The following KCNH8 variants were observed in gnomAD, a reference collection of about 807,000 sequenced individuals.
The protein encoded by KCNH8 is voltage-gated delayed rectifier potassium channel KCNH8.
In KCNH8, 70 loss-of-function variants were observed where a neutral mutation model predicts 103.6. The ratio of observed to expected loss-of-function variants is 0.68; its 90% confidence interval spans 0.56 to 0.82. The LOEUF (loss-of-function observed/expected upper bound fraction) is 0.82, where lower values mean the gene tolerates loss of function less well. KCNH8 is among the 40% of genes least tolerant of loss of function. The pLI is 0.00. For missense variants in KCNH8, 1,217 were observed against 1,329.9 expected, an observed-to-expected ratio of 0.92 and a Z score of 1.32; for synonymous variants, 498 against 489.4, an observed-to-expected ratio of 1.02 and a Z score of -0.23.
chr3:19,194,642 G>A (rs534543555), intron 1 of KCNH8, among the ~76,000 whole-genome samples: 1 of 151,790 alleles, frequency 6.6e-6, no homozygotes, highest in Non-Finnish European at 1.5e-5. Flanking sequence ...GGAAAGATAA[G>A]GAGGGGGTAG....
chr3:19,374,733 TG>T (rs1175272653), intron 5 of KCNH8, among the ~76,000 whole-genome samples: 1 of 152,218 alleles, frequency 6.6e-6, no homozygotes, highest in African/African-American at 2.4e-5. Flanking sequence ...GATTTTGCAG[TG>T]GCTGGTACTA....
intron 11 of KCNH8, among the ~76,000 whole-genome samples, chr3:19,508,113 A>G (rs1369307577): frequency 6.6e-6 from 1 of 152,146 alleles, no homozygotes; most frequent in Non-Finnish European, 1.5e-5. Flanking sequence ...ATGCTGTATG[A>G]ACTTTTTGAT....
At chr3:19,517,528 A>C (rs1263700781) in intron 14 of KCNH8, among the ~76,000 whole-genome samples, 1 of 152,082 alleles carries the variant, frequency 6.6e-6, no homozygotes, top group Non-Finnish European at 1.5e-5. Flanking sequence ...ATGCAGGAAG[A>C]GAAAGGCAAC....
chr3:19,498,452 C>T (rs965201244), intron 11 of KCNH8, among the ~76,000 whole-genome samples: 2 of 152,068 alleles, frequency 1.3e-5, no homozygotes, highest in African/African-American at 4.8e-5. Context: ...GTAATGAATT[C>T]CCTCAGCGCT....
intron 11 of KCNH8, among the ~76,000 whole-genome samples, chr3:19,472,693 T>C (rs542814624): frequency 6.6e-6 from 1 of 152,288 alleles, no homozygotes; most frequent in South Asian, 2.1e-4. Flanking sequence ...GGATAACAAG[T>C]GGCATAAAAA....
intron 5 of KCNH8, among the ~76,000 whole-genome samples, chr3:19,375,167 G>T (rs971389972): frequency 6.6e-6 from 1 of 151,866 alleles, no homozygotes; most frequent in African/African-American, 2.4e-5. Flanking sequence ...TGCTAGATTG[G>T]GGAAGTTCTC....
chr3:19,500,714 G>GT (rs1451371994), intron 11 of KCNH8, among the ~76,000 whole-genome samples: 4 of 151,946 alleles, frequency 2.6e-5, no homozygotes, highest in African/African-American at 9.7e-5. Context: ...CACAAATAAA[G>GT]ATGTTCTTTG....
At chr3:19,192,950 T>G (rs530261639) in intron 1 of KCNH8, among the ~76,000 whole-genome samples, 1 of 151,704 alleles carries the variant, frequency 6.6e-6, no homozygotes, top group African/African-American at 2.4e-5. Context: ...CAAATATTGT[T>G]AGAAGCATTA....
chr3:19,458,482 T>A (rs565888337), intron 11 of KCNH8, among the ~76,000 whole-genome samples: 1 of 152,076 alleles, frequency 6.6e-6, no homozygotes, highest in South Asian at 2.1e-4. Context: ...AGGATCCTTA[T>A]CTTTTTAAAA....
At chr3:19,435,483 A>G (rs1358402108) in intron 7 of KCNH8, among the ~76,000 whole-genome samples, 1 of 152,196 alleles carries the variant, frequency 6.6e-6, no homozygotes, top group Non-Finnish European at 1.5e-5. Flanking sequence ...TCTAGAGCAC[A>G]GGTAGCACTT....
chr3:19,459,714 G>C (rs936318669), intron 11 of KCNH8, among the ~76,000 whole-genome samples: 10 of 151,926 alleles, frequency 6.6e-5, no homozygotes, highest in African/African-American at 1.7e-4. Flanking sequence ...TTTTCTTTTA[G>C]AGTTACATAA....
chr3:19,392,817 A>T (rs1316410533), intron 6 of KCNH8, among the ~76,000 whole-genome samples: 1 of 152,052 alleles, frequency 6.6e-6, no homozygotes, highest in African/African-American at 2.4e-5. Flanking sequence ...ATGTTGATAG[A>T]GTAGAAAGGG....
intron 7 of KCNH8, among the ~76,000 whole-genome samples, chr3:19,406,737 G>A (rs1359259968): frequency 6.6e-6 from 1 of 152,086 alleles, no homozygotes; most frequent in Admixed American, 6.6e-5. Flanking sequence ...AAGGACTTTA[G>A]AGATAATATA....
chr3:19,436,976 T>C (rs2067208677), intron 7 of KCNH8, among the ~76,000 whole-genome samples: 1 of 152,180 alleles, frequency 6.6e-6, no homozygotes, highest in Non-Finnish European at 1.5e-5. Context: ...GGCACAGTAC[T>C]TGCCCTTAAG....
intron 1 of KCNH8, among the ~76,000 whole-genome samples, chr3:19,242,479 T>C (rs545255188): frequency 6.6e-6 from 1 of 152,306 alleles, no homozygotes; most frequent in South Asian, 2.1e-4. Flanking sequence ...CATAGTTCTA[T>C]GAACTAAGCT....
At chr3:19,298,393 G>A (rs1241238976) in intron 3 of KCNH8, among the ~76,000 whole-genome samples, 3 of 152,184 alleles carry the variant, frequency 2.0e-5, no homozygotes, top group Non-Finnish European at 4.4e-5. Context: ...GCCTCCTCTT[G>A]TGGGGTTAAC....
At position 19,533,655 on chromosome 3, in the gene KCNH8, T is replaced by G. The variant is rs752152864; in HGVS notation, c.2880T>G (p.Ser960Arg). 1.1e-5 allele frequency: 18 copies of G among 1,613,888 alleles called. No individual in the cohort carries two copies. The African/African-American group carries it at 1.2e-4, about 11-fold the overall frequency. The change falls in exon 16 of 16, where the codon AGT becomes AGG. Residue 960 changes from serine (S) to arginine (R), a missense_variant. Physicochemically the swap from Ser to Arg is moderately radical, Grantham distance 110. Transcript: ENST00000328405. ...CSSNITSDIWSVDPSSVGSSP... is the reference protein window; with the variant it reads ...CSSNITSDIWRVDPSSVGSSP... ...GTAATATCACCTCAGACATTTGGAG[T>G]GTGGATCCCTCCTCTGTGGGGAGCA...
At chr3:19,448,879 T>G in intron 8 of KCNH8, 1 of 691,970 alleles carries the variant, frequency 1.4e-6, no homozygotes, top group Non-Finnish European at 2.2e-6. Flanking sequence ...TTACTTAGAG[T>G]TGAATTATCC....
At chr3:19,235,419 G>A (rs1041084120) in intron 1 of KCNH8, among the ~76,000 whole-genome samples, 1 of 152,186 alleles carries the variant, frequency 6.6e-6, no homozygotes, top group Admixed American at 6.5e-5. Context: ...AGAATTATGT[G>A]TGCCTCTGGG....
Sources: gnomAD v4.1 joint callset for allele counts (sites outside exome capture counted in the v4.1 genomes callset) on GRCh38, gnomAD v4.1.1 for gene constraint, MANE v1.5 for transcripts, NCBI Gene and HGNC (gene_info 2026-07-23, HGNC 2026-07-21) for gene names.